CDH13: variants seen among roughly 807,000 people sequenced by gnomAD.
CDH13 encodes cadherin-13.
In CDH13, 24 loss-of-function variants were observed where a neutral mutation model predicts 63.8. The ratio of observed to expected loss-of-function variants is 0.38; its 90% CI spans 0.27 to 0.53. The LOEUF (loss-of-function observed/expected upper bound fraction) is 0.53. Among genes scored for constraint, CDH13 ranks in the 20% least tolerant of loss-of-function variants. The probability of loss-of-function intolerance (pLI) is 0.85; values close to 1 mark genes in which losing one functional copy is unlikely to be tolerated. For synonymous variants in CDH13, 503 were observed against 355.3 expected (o/e 1.42, Z -4.67); for missense variants, 1,049 against 903.1 (o/e 1.16, Z -2.07).
At chr16:83,057,971 TA>T (rs896735601) in intron 3 of CDH13, among the ~76,000 whole-genome samples, 1 of 152,136 alleles carries the variant, frequency 6.6e-6, no homozygotes, top group African/African-American at 2.4e-5. Flanking sequence ...TGATATTTTT[TA>T]AAAAAATAAA....
chr16:83,079,273 T>C (rs1348719280), intron 3 of CDH13, among the ~76,000 whole-genome samples: 1 of 152,222 alleles, frequency 6.6e-6, no homozygotes, highest in African/African-American at 2.4e-5. Flanking sequence ...TATTCCATTG[T>C]ATGAACGAAC....
chr16:82,779,115 A>G (rs915423849), intron 1 of CDH13, among the ~76,000 whole-genome samples: 2 of 152,162 alleles, frequency 1.3e-5, no homozygotes, highest in African/African-American at 4.8e-5. Context: ...TCCACTGAAA[A>G]CTATTTTTTA....
At chr16:83,126,369 G>A (rs778548588) in intron 4 of CDH13, among the ~76,000 whole-genome samples, 22 of 152,146 alleles carry the variant, frequency 1.4e-4, no homozygotes, top group Non-Finnish European at 2.8e-4. Context: ...ATTGGCTACT[G>A]TTTAAAATTG....
chr16:82,699,799 G>A (rs932543706), intron 1 of CDH13, among the ~76,000 whole-genome samples: 5 of 152,204 alleles, frequency 3.3e-5, no homozygotes, highest in East Asian at 1.9e-4. Context: ...TATGCCAAAT[G>A]TCATTTAGCT....
chr16:82,904,777 G>C (rs529403087), intron 2 of CDH13, among the ~76,000 whole-genome samples: 1 of 152,284 alleles, frequency 6.6e-6, no homozygotes, highest in African/African-American at 2.4e-5. Flanking sequence ...TCTGCTTCTG[G>C]CCAGCTGGGT....
At chr16:82,830,183 A>G (rs1025802796) in intron 1 of CDH13, among the ~76,000 whole-genome samples, 1 of 152,194 alleles carries the variant, frequency 6.6e-6, no homozygotes, top group African/African-American at 2.4e-5. Context: ...TGTGAAACTT[A>G]TAATAAAAGC....
chr16:83,227,796 C>T (rs925401611), intron 5 of CDH13, among the ~76,000 whole-genome samples: 4 of 152,248 alleles, frequency 2.6e-5, no homozygotes, highest in Admixed American at 1.3e-4. Flanking sequence ...TCGGCAGCTC[C>T]ATCAGAAAGG....
At chr16:83,193,604 G>A (rs1174501553) in intron 4 of CDH13, among the ~76,000 whole-genome samples, 3 of 152,186 alleles carry the variant, frequency 2.0e-5, no homozygotes. Context: ...CCATTCATTT[G>A]TGCAAGAGTC....
chr16:83,507,993 C>T (rs1219453850), intron 7 of CDH13, among the ~76,000 whole-genome samples: 2 of 148,434 alleles, frequency 1.3e-5, no homozygotes, highest in African/African-American at 5.0e-5. Context: ...GATCGCGCCA[C>T]TGCACTCCAG....
chr16:82,836,627 C>T (rs2038779065), intron 1 of CDH13, among the ~76,000 whole-genome samples: 1 of 152,142 alleles, frequency 6.6e-6, no homozygotes, highest in Non-Finnish European at 1.5e-5. Flanking sequence ...ATGGAAATGA[C>T]AGCGTCTTGG....
intron 5 of CDH13, among the ~76,000 whole-genome samples, chr16:83,334,558 A>G (rs2090552060): frequency 6.7e-6 from 1 of 150,208 alleles, no homozygotes; most frequent in South Asian, 2.1e-4. Flanking sequence ...AAAAAAATAC[A>G]GAGATGGCAG....
chr16:83,326,805 A>G (rs1329559820), intron 5 of CDH13, among the ~76,000 whole-genome samples: 3 of 152,228 alleles, frequency 2.0e-5, no homozygotes, highest in African/African-American at 7.2e-5. Context: ...TAGAGGTCCT[A>G]TAACAAAGCC....
At chr16:83,024,310 T>A (rs1597161753) in intron 2 of CDH13, among the ~76,000 whole-genome samples, 1 of 152,328 alleles carries the variant, frequency 6.6e-6, no homozygotes, top group East Asian at 1.9e-4. Context: ...ACCTGGCATA[T>A]TCAACAGGTA....
Position 83,700,207 on chromosome 16 carries a change from T to A in CDH13, c.1538+21746T>A, listed in dbSNP as rs184792785. ...TATGCCCTCTTTTTTGTCTGGCTCC[T>A]TCTGCTCAGCACAATTATTGTGGGA... On this transcript the variant is annotated intron_variant, in intron 10 of 13. Coordinates refer to ENST00000567109, the MANE Select transcript of CDH13 (RefSeq NM_001257.5). Among the ~76,000 whole-genome samples the A allele has an allele frequency of 1.5e-3, 230 of 152,354 alleles. 1 individual carries two copies. Among genetic ancestry groups the A allele is most frequent in the African/African-American group, 5.1e-3 (212 of 41,578 alleles).
chr16:83,265,857 G>A (rs927440220), intron 5 of CDH13, among the ~76,000 whole-genome samples: 4 of 150,330 alleles, frequency 2.7e-5, no homozygotes, highest in African/African-American at 4.9e-5. Flanking sequence ...TTGCATGGAC[G>A]TGCATGAAAA....
At chr16:83,042,652 G>C (rs1474732764) in intron 3 of CDH13, among the ~76,000 whole-genome samples, 1 of 152,160 alleles carries the variant, frequency 6.6e-6, no homozygotes, top group Non-Finnish European at 1.5e-5. Flanking sequence ...CATGAAACGG[G>C]TCTGTGGTGC....
chr16:83,482,030 G>C (rs566104556), intron 6 of CDH13, among the ~76,000 whole-genome samples: 1 of 152,126 alleles, frequency 6.6e-6, no homozygotes, highest in Non-Finnish European at 1.5e-5. Flanking sequence ...GCATAGCATT[G>C]GTATGTGACC....
chr16:82,894,689 C>T (rs1039723117), intron 2 of CDH13, among the ~76,000 whole-genome samples: 6 of 74,504 alleles, frequency 8.1e-5, no homozygotes, highest in South Asian at 5.1e-4. Flanking sequence ...GTAGTGAAAA[C>T]ATCCCAGAAA....
intron 4 of CDH13, among the ~76,000 whole-genome samples, chr16:83,215,881 C>T (rs1433288355): frequency 2.0e-5 from 3 of 152,036 alleles, no homozygotes; most frequent in African/African-American, 7.3e-5. Context: ...TTTGAAGGTT[C>T]TGATGATAAA....
Sources: gnomAD v4.1 joint callset for allele counts (sites outside exome capture counted in the v4.1 genomes callset) on GRCh38, gnomAD v4.1.1 for gene constraint, MANE v1.5 for transcripts, NCBI Gene and HGNC (gene_info 2026-07-23, HGNC 2026-07-21) for gene names.